Variants in SGCD observed in about 807,000 individuals in gnomAD.
The protein encoded by SGCD is sarcoglycan delta.
SGCD carries 18 observed loss-of-function variants against 36.6 expected under a neutral mutation model. That is an observed-to-expected ratio of 0.49 (90% CI 0.34 to 0.73). The LOEUF (loss-of-function observed/expected upper bound fraction) is 0.73, where lower values mean the gene tolerates loss of function less well. Among genes scored for constraint, SGCD ranks in the 30% least tolerant of loss-of-function variants. SGCD has a pLI of 0.01. For synonymous variants in SGCD, 133 were observed against 130.6 expected (o/e 1.02, Z -0.12); for missense variants, 387 against 346.7 (o/e 1.12, Z -0.92).
chr5:155,967,998 A>G (rs951268390), intron 1 of SGCD, among the ~76,000 whole-genome samples: 1 of 152,106 alleles, frequency 6.6e-6, no homozygotes, highest in Non-Finnish European at 1.5e-5. Flanking sequence ...GTGCTTAATT[A>G]TGAAGTTTGG....
intron 3 of SGCD, among the ~76,000 whole-genome samples, chr5:156,417,556 G>A (rs2127774891): frequency 6.6e-6 from 1 of 152,202 alleles, no homozygotes; most frequent in Admixed American, 6.5e-5. Flanking sequence ...TCTGCAGTCT[G>A]GAAAGTCCCA....
intron 3 of SGCD, among the ~76,000 whole-genome samples, chr5:156,219,686 T>A (rs1036440389): frequency 3.3e-5 from 5 of 152,224 alleles, no homozygotes. Context: ...CGCTTAGTGC[T>A]GTCTCTTAGT....
At chr5:156,214,830 A>G (rs1173652587) in intron 3 of SGCD, among the ~76,000 whole-genome samples, 2 of 152,254 alleles carry the variant, frequency 1.3e-5, no homozygotes, top group East Asian at 1.9e-4. Flanking sequence ...AAGGGTGCCA[A>G]GAACACACAA....
chr5:155,836,555 C>T, the SGCD span, among the ~76,000 whole-genome samples: 1 of 141,558 alleles, frequency 7.1e-6, no homozygotes, highest in Admixed American at 7.5e-5. Flanking sequence ...GAAGAGTTTG[C>T]TGTCAGGGTT....
rs192188018 is a variant in SGCD, at chr5:155,963,615, T to A, written c.-282+93191T>A. Among the ~76,000 whole-genome samples, 36 of 152,082 alleles carry A rather than the reference T, an allele frequency of 2.4e-4. No individual in the cohort carries two copies. The East Asian group carries it at 4.1e-3, about 17-fold the overall frequency. ...TCACAACCACCCTATAAAGAAAAAA[T>A]TATTTTTATCTCCCCATTATAGAGC... On this transcript the variant is annotated intron_variant, in intron 1 of 9. Coordinates refer to the SGCD transcript ENST00000517913.
chr5:156,640,084 C>T (rs1010970505), intron 6 of SGCD, among the ~76,000 whole-genome samples: 2 of 152,104 alleles, frequency 1.3e-5, no homozygotes, highest in African/African-American at 4.8e-5. Flanking sequence ...CTCAGTGTTC[C>T]ATCAGCTTCT....
intron 3 of SGCD, among the ~76,000 whole-genome samples, chr5:156,444,048 G>A (rs1474202446): frequency 7.2e-5 from 10 of 139,836 alleles, no homozygotes. Context: ...GCACGCTTTG[G>A]AGACTCTTTC....
At chr5:156,035,598 G>T (rs1393672997) in intron 1 of SGCD, among the ~76,000 whole-genome samples, 1 of 152,048 alleles carries the variant, frequency 6.6e-6, no homozygotes, top group Non-Finnish European at 1.5e-5. Flanking sequence ...GTTCAATAGA[G>T]GGAGACCCTG....
the SGCD span, among the ~76,000 whole-genome samples, chr5:155,771,717 C>T: frequency 6.6e-6 from 1 of 151,850 alleles, no homozygotes; most frequent in East Asian, 1.9e-4. Flanking sequence ...GCCACTGCAC[C>T]CGGCCTTAAT....
intron 4 of SGCD, among the ~76,000 whole-genome samples, chr5:156,526,972 T>A (rs1402098895): frequency 6.6e-6 from 1 of 152,096 alleles, no homozygotes; most frequent in Non-Finnish European, 1.5e-5. Flanking sequence ...TCAGCCAGAG[T>A]TCTGGTAGGA....
chr5:156,751,739 C>T lies in SGCD; in HGVS notation c.576-5842C>T, dbSNP rs1232639541. Reference sequence around the variant, plus strand: ...ATTAGGTAAATGCAGTTTTAAAAGACAATGGCATCCCATTTCACAGTCATT... The same window carrying T: ...ATTAGGTAAATGCAGTTTTAAAAGATAATGGCATCCCATTTCACAGTCATT... On this transcript the variant is annotated intron_variant, in intron 7 of 8. Transcript: ENST00000337851. Among the ~76,000 whole-genome samples the T allele has an allele frequency of 2.0e-5, 3 of 152,194 alleles. No individual in the cohort carries two copies. In the East Asian group the frequency reaches 5.8e-4, roughly 29 times the overall value.
At chr5:156,202,232 G>C (rs563661083) in intron 3 of SGCD, among the ~76,000 whole-genome samples, 2 of 152,108 alleles carry the variant, frequency 1.3e-5, no homozygotes, top group Non-Finnish European at 2.9e-5. Flanking sequence ...CCTTAAACTG[G>C]ATTATTATTC....
chr5:155,867,449 A>T (rs114017660), upstream of SGCD, among the ~76,000 whole-genome samples: 1,427 of 152,304 alleles, frequency 9.4e-3, 21 homozygotes, highest in African/African-American at 0.032. Context: ...GCTGTTGACA[A>T]TGGTGAACTG....
chr5:155,989,995 C>G (rs1758400814), intron 1 of SGCD, among the ~76,000 whole-genome samples: 1 of 152,188 alleles, frequency 6.6e-6, no homozygotes, highest in Non-Finnish European at 1.5e-5. Flanking sequence ...AATTTCTTCA[C>G]TCTTCCAAAC....
chr5:155,850,215 A>G, the SGCD span, among the ~76,000 whole-genome samples: 102 of 152,082 alleles, frequency 6.7e-4, 1 homozygote, highest in South Asian at 4.6e-3. Context: ...GAATTGGTTT[A>G]CTCTTTCATG....
intron 4 of SGCD, among the ~76,000 whole-genome samples, chr5:156,517,698 C>T (rs1055172156): frequency 2.6e-5 from 4 of 151,764 alleles, no homozygotes; most frequent in Non-Finnish European, 5.9e-5. Flanking sequence ...TTTTCAACAA[C>T]TTAAAAAAAT....
intron 1 of SGCD, among the ~76,000 whole-genome samples, chr5:156,088,181 G>A (rs1761149463): frequency 6.6e-6 from 1 of 152,054 alleles, no homozygotes; most frequent in African/African-American, 2.4e-5. Flanking sequence ...TCCATATAAA[G>A]CTTTCCTAGA....
chr5:155,967,807 G>A (rs1320317045), intron 1 of SGCD, among the ~76,000 whole-genome samples: 1 of 152,040 alleles, frequency 6.6e-6, no homozygotes, highest in East Asian at 1.9e-4. Flanking sequence ...ATTTGGTAGA[G>A]ATAGTGTGGC....
intron 3 of SGCD, among the ~76,000 whole-genome samples, chr5:156,401,773 T>C (rs371216930): frequency 1.6e-4 from 25 of 152,228 alleles, no homozygotes; most frequent in African/African-American, 5.3e-4. Context: ...AAAAAAATTT[T>C]CATAAACTAT....
Sources: gnomAD v4.1 joint callset for allele counts (sites outside exome capture counted in the v4.1 genomes callset) on GRCh38, gnomAD v4.1.1 for gene constraint, MANE v1.5 for transcripts, NCBI Gene and HGNC (gene_info 2026-07-23, HGNC 2026-07-21) for gene names.